TENM3: variants seen among roughly 807,000 people sequenced by gnomAD.
TENM3 encodes teneurin-3.
In TENM3, 63 loss-of-function variants were observed where a neutral mutation model predicts 255.1. The ratio of observed to expected loss-of-function variants is 0.25; its 90% CI spans 0.20 to 0.30. TENM3 has a LOEUF of 0.30. TENM3 is among the 10% of genes least tolerant of loss of function. The probability of loss-of-function intolerance (pLI) is 1.00; values close to 1 mark genes in which losing one functional copy is unlikely to be tolerated. For synonymous variants in TENM3, 1,306 were observed against 1,322.3 expected (o/e 0.99, Z 0.27); for missense variants, 2,929 against 3,461.1 (o/e 0.85, Z 3.86).
chr4:181,605,614 A>AAAG, the TENM3 span, among the ~76,000 whole-genome samples: 1 of 106,544 alleles, frequency 9.4e-6, no homozygotes, highest in Non-Finnish European at 2.3e-5. Flanking sequence ...AGAAAGAAAG[A>AAAG]AAAGAAAGAA....
intron 3 of TENM3, among the ~76,000 whole-genome samples, chr4:182,376,808 G>A (rs1008186020): frequency 8.6e-5 from 13 of 151,840 alleles, no homozygotes; most frequent in African/African-American, 2.9e-4. Flanking sequence ...GGTTGAATCA[G>A]ATGTTATCTT....
the TENM3 span, among the ~76,000 whole-genome samples, chr4:181,567,896 G>T: frequency 6.6e-6 from 1 of 152,184 alleles, no homozygotes; most frequent in Non-Finnish European, 1.5e-5. Context: ...TGAAGTTGTG[G>T]AGCTCATATC....
At chr4:182,356,200 A>C (rs1765514146) in intron 3 of TENM3, among the ~76,000 whole-genome samples, 1 of 152,166 alleles carries the variant, frequency 6.6e-6, no homozygotes, top group African/African-American at 2.4e-5. Context: ...CAGCAGAGTC[A>C]AAAACTTCCA....
At chr4:181,473,180 AAAT>A in the TENM3 span, among the ~76,000 whole-genome samples, 2 of 152,350 alleles carry the variant, frequency 1.3e-5, no homozygotes, top group South Asian at 2.1e-4. Flanking sequence ...ATGAATGTAA[AAAT>A]AATCTATGAT....
chr4:182,029,774 T>C, the TENM3 span, among the ~76,000 whole-genome samples: 51 of 152,192 alleles, frequency 3.4e-4, no homozygotes, highest in South Asian at 9.5e-3. Flanking sequence ...AATGTAAAAA[T>C]AAAATAAATT....
rs182231181 is a variant in TENM3, at chr4:182,610,143, T to C, written c.749+8982T>C. Among the ~76,000 whole-genome samples, 105 of 152,304 alleles carry C rather than the reference T, an allele frequency of 6.9e-4. No individual in the cohort carries two copies. In the East Asian group the frequency reaches 0.015, roughly 22 times the overall value. ...AAATATTTAAAAAGAGAATTTGTTTTAGAAAAAACAAATAACTGTGATAAT... is the reference window on the plus strand; with the variant it reads ...AAATATTTAAAAAGAGAATTTGTTTCAGAAAAAACAAATAACTGTGATAAT... On this transcript the variant is annotated intron_variant, in intron 4 of 27. Transcript: ENST00000511685.
At chr4:182,760,222 G>A (rs1441782772) in intron 22 of TENM3, among the ~76,000 whole-genome samples, 2 of 152,112 alleles carry the variant, frequency 1.3e-5, no homozygotes, top group East Asian at 1.9e-4. Flanking sequence ...GTGGCCACAC[G>A]CGATCATTCC....
rs188619658 is a variant in TENM3 at position 182,625,594 on chromosome 4, T to G, written c.750-3057T>G. Among the ~76,000 whole-genome samples, 424 of 152,304 alleles carry G rather than the reference T, an allele frequency of 2.8e-3. 1 individual carries two copies. Among genetic ancestry groups the G allele is most frequent in the African/African-American group, 9.9e-3 (412 of 41,564 alleles). ...AAGTAAGCGAATTGTCCCACAGTCATAGGAAATGTCAGTCCTTTTCCTATA... is the reference window on the plus strand; with the variant it reads ...AAGTAAGCGAATTGTCCCACAGTCAGAGGAAATGTCAGTCCTTTTCCTATA... On this transcript the variant is annotated intron_variant, in intron 4 of 27. Transcript: ENST00000511685.
At chr4:181,961,300 G>A in the TENM3 span, among the ~76,000 whole-genome samples, 1 of 152,208 alleles carries the variant, frequency 6.6e-6, no homozygotes, top group Admixed American at 6.5e-5. Context: ...TTACATGGGA[G>A]TATTTTATTA....
chr4:182,422,432 A>G (rs1019336128), intron 3 of TENM3, among the ~76,000 whole-genome samples: 12 of 152,238 alleles, frequency 7.9e-5, no homozygotes, highest in African/African-American at 2.9e-4. Flanking sequence ...CCTCGCAACC[A>G]AGTCCCTGCT....
chr4:182,102,452 C>T, the TENM3 span, among the ~76,000 whole-genome samples: 1 of 152,162 alleles, frequency 6.6e-6, no homozygotes, highest in Non-Finnish European at 1.5e-5. Context: ...GCAGACAAAG[C>T]TTGGTATTTA....
the TENM3 span, among the ~76,000 whole-genome samples, chr4:181,464,878 G>A: frequency 3.3e-5 from 5 of 152,232 alleles, no homozygotes; most frequent in African/African-American, 1.2e-4. Context: ...TTGAACCCAG[G>A]AGGCAGAGGT....
intron 1 of TENM3, among the ~76,000 whole-genome samples, chr4:182,215,466 G>A (rs769728619): frequency 1.3e-5 from 2 of 151,964 alleles, no homozygotes; most frequent in Non-Finnish European, 2.9e-5. Context: ...CTTTAAAAAG[G>A]GTACTGTTTT....
At chr4:181,738,108 G>T in the TENM3 span, among the ~76,000 whole-genome samples, 1 of 152,158 alleles carries the variant, frequency 6.6e-6, no homozygotes, top group Non-Finnish European at 1.5e-5. Flanking sequence ...CTGACAAGTT[G>T]TCCATACAGT....
At chr4:181,511,426 G>A in the TENM3 span, among the ~76,000 whole-genome samples, 2 of 152,130 alleles carry the variant, frequency 1.3e-5, no homozygotes, top group Admixed American at 1.3e-4. Context: ...GCTCAGGCCT[G>A]GAGGAGGAGG....
intron 22 of TENM3, among the ~76,000 whole-genome samples, chr4:182,763,865 G>A (rs531883297): frequency 2.0e-5 from 3 of 152,198 alleles, no homozygotes; most frequent in African/African-American, 7.2e-5. Flanking sequence ...AGTGAGAAAT[G>A]TTATGCCCAG....
chr4:182,097,800 G>C, the TENM3 span, among the ~76,000 whole-genome samples: 1 of 152,052 alleles, frequency 6.6e-6, no homozygotes, highest in Non-Finnish European at 1.5e-5. Context: ...CTCTTGTTTG[G>C]TTCCGGCACC....
the TENM3 span, among the ~76,000 whole-genome samples, chr4:181,981,051 G>T: frequency 1.3e-5 from 2 of 152,170 alleles, no homozygotes; most frequent in Admixed American, 1.3e-4. Flanking sequence ...ACCCCCATGC[G>T]TGCCACATTA....
At chr4:181,581,885 G>A in the TENM3 span, among the ~76,000 whole-genome samples, 1 of 151,632 alleles carries the variant, frequency 6.6e-6, no homozygotes, top group Non-Finnish European at 1.5e-5. Context: ...GGCGCCCACC[G>A]CCATGCCCAG....
Sources: allele counts gnomAD v4.1 joint callset (sites outside exome capture counted in the v4.1 genomes callset), GRCh38; gene constraint gnomAD v4.1.1; transcripts MANE v1.5; gene names NCBI Gene and HGNC (gene_info 2026-07-23, HGNC 2026-07-21).